Variants in DOHH observed in about 807,000 individuals in gnomAD.
DOHH encodes the protein HEAT-like (PBS lyase) repeat containing 1.
A neutral mutation model predicts 19.9 loss-of-function variants in DOHH; 16 were observed. The ratio of observed to expected loss-of-function variants is 0.80; its 90% CI spans 0.54 to 1.22. The LOEUF is 1.22. DOHH is among the 50% of genes most tolerant of loss of function. The pLI is 0.00. For synonymous variants in DOHH, 233 were observed against 217.0 expected (o/e 1.07, Z -0.65); for missense variants, 460 against 460.6 (o/e 1.00, Z 0.01).
intron 1 of DOHH, among the ~76,000 whole-genome samples, chr19:3,497,499 G>C (rs1196703675): frequency 6.6e-6 from 1 of 152,216 alleles, no homozygotes; most frequent in Non-Finnish European, 1.5e-5. Flanking sequence ...CGAACCTTCA[G>C]ATGATGCAGC....
rs763545312 is a variant in DOHH, at chr19:3,496,743, G to C, written c.72C>G (p.Arg24=). Residue 24 remains arginine, a synonymous_variant, in exon 2 of 5, where the codon CGC becomes CGG. Transcript: ENST00000427575. The surrounding 1 kb of genome is among the most constrained non-coding windows in gnomAD (Gnocchi z 4.8). ...LVDPKQPLQA[R]FRALFTLRGL... ...CACGCAGCGTGAACAGCGCCCGGAA[G>C]CGGGCCTGCAGGGGCTGCTTGGGGT... 6.2e-7 allele frequency: 1 copy of C among 1,611,790 alleles called. No homozygotes were observed. The highest frequency in any genetic ancestry group is 1.3e-5 in the African/African-American group (1 of 75,064).
chr19:3,491,588 C>T lies in DOHH; in HGVS notation c.813G>A (p.Glu271=), dbSNP rs1159404126. 1.3e-6 allele frequency: 2 copies of T among 1,535,998 alleles called. No homozygotes were observed. The highest frequency in any genetic ancestry group is 8.7e-7 in the Non-Finnish European group (1 of 1,146,664). ...ACATGTCCAGAGCCACCTCGCAGCTCTCACGCACCACGCGCTCTGGGTCGT... is the reference window on the plus strand; with the variant it reads ...ACATGTCCAGAGCCACCTCGCAGCTTTCACGCACCACGCGCTCTGGGTCGT... ...HADDPERVVR[E]SCEVALDMYE... Residue 271 remains glutamate, a synonymous_variant, in exon 5 of 5, where the codon GAG becomes GAA. Transcript: ENST00000427575. The surrounding 1 kb of genome is among the most constrained non-coding windows in gnomAD (Gnocchi z 5.6).
In DOHH at chr19:3,491,645, G is replaced by A. The variant is rs1426254360; in HGVS notation, c.756C>T (p.Pro252=). 1.3e-6 allele frequency: 2 copies of A among 1,535,082 alleles called. No homozygotes were observed. Among genetic ancestry groups the A allele is most frequent in the Non-Finnish European group, 8.7e-7 (1 of 1,145,132 alleles). ...GAGCCTGCAGCGCGGCCAGGCAGGCGGGCCGGGCAATGGCGCCCAGGGCCT... is the reference window on the plus strand; with the variant it reads ...GAGCCTGCAGCGCGGCCAGGCAGGCAGGCCGGGCAATGGCGCCCAGGGCCT... ...CAEALGAIAR[P]ACLAALQAHA... The change falls in exon 5 of 5, where the codon CCC becomes CCT. Residue 252 remains proline, a synonymous_variant. Coordinates refer to ENST00000427575, the MANE Select transcript of DOHH (RefSeq NM_001145165.2). The surrounding 1 kb of genome is among the most constrained non-coding windows in gnomAD (Gnocchi z 5.6).
At chr19:3,495,285 C>CA (rs2082900176) in intron 2 of DOHH, among the ~76,000 whole-genome samples, 1 of 151,996 alleles carries the variant, frequency 6.6e-6, no homozygotes, top group South Asian at 2.1e-4. Flanking sequence ...CCTGAACAGT[C>CA]CATTTTTTTG....
At position 3,491,089 on chromosome 19, in the gene DOHH, T is replaced by C. The variant is rs140317642; in HGVS notation, c.*403A>G. 14,372 of 190,688 alleles carry C rather than the reference T, an allele frequency of 0.075. 1,710 individuals carry two copies. Among genetic ancestry groups the C allele is most frequent in the African/African-American group, 0.26 (6,929 of 26,512 alleles). The allele number at this position is 190,688 out of a possible 1,614,324, so 11.8% of individuals were successfully genotyped here. On this transcript the variant is annotated 3_prime_UTR_variant, in exon 5 of 5. Coordinates refer to ENST00000427575, the MANE Select transcript of DOHH (RefSeq NM_001145165.2). The surrounding 1 kb of genome is among the most constrained non-coding windows in gnomAD (Gnocchi z 5.6). Reference sequence around the variant, plus strand: ...CCCTGGCTCCCCTCGCGATCCTCCCTTGGCTTCCCTCGCGATCCTCCCCTG... The same window carrying C: ...CCCTGGCTCCCCTCGCGATCCTCCCCTGGCTTCCCTCGCGATCCTCCCCTG...
chr19:3,497,937 G>A (rs1421700548), intron 1 of DOHH, among the ~76,000 whole-genome samples: 2 of 152,044 alleles, frequency 1.3e-5, no homozygotes, highest in South Asian at 2.1e-4. Context: ...AGCCATTATG[G>A]GGATTTTTGT....
Position 3,491,321 on chromosome 19 carries a change from A to G in DOHH, c.*171T>C, listed in dbSNP as rs993202311. The G allele has an allele frequency of 1.3e-4, 92 of 700,474 alleles. 1 individual carries two copies. The East Asian group carries it at 2.5e-3, about 19-fold the overall frequency. The allele number at this position is 700,474 out of a possible 1,614,324, so 43.4% of individuals were successfully genotyped here. ...GCAGTCAGGGGACTCAGGGAGTCAC[A>G]GCACAACGGCAGCTCCTCGGTCCCA... On this transcript the variant is annotated 3_prime_UTR_variant, in exon 5 of 5. Coordinates refer to ENST00000427575, the MANE Select transcript of DOHH (RefSeq NM_001145165.2). The surrounding 1 kb of genome is among the most constrained non-coding windows in gnomAD (Gnocchi z 5.6).
chr19:3,491,617 C>T lies in DOHH; in HGVS notation c.784G>A (p.Ala262Thr), dbSNP rs765401437. The change falls in exon 5 of 5, where the codon GCG becomes ACG. Residue 262 changes from alanine (A) to threonine (T), a missense_variant. By Grantham distance (58) the Ala-to-Thr change is moderately conservative. Coordinates refer to ENST00000427575, the MANE Select transcript of DOHH (RefSeq NM_001145165.2). This position sits in a 1 kb window ranked among gnomAD's most constrained non-coding sequence, Gnocchi z 5.6. ...PACLAALQAH[A>T]DDPERVVRES... ...CGCACCACGCGCTCTGGGTCGTCCG[C>T]GTGAGCCTGCAGCGCGGCCAGGCAG... 2.0e-6 allele frequency: 3 copies of T among 1,535,564 alleles called. No homozygotes were observed. Among genetic ancestry groups the T allele is most frequent in the South Asian group, 1.2e-5 (1 of 84,028 alleles).
At chr19:3,497,549 C>T (rs917829075) in intron 1 of DOHH, among the ~76,000 whole-genome samples, 6 of 152,226 alleles carry the variant, frequency 3.9e-5, no homozygotes, top group African/African-American at 1.2e-4. Context: ...GAGGCCAGAC[C>T]CAGAGCCAGC....
chr19:3,499,318 A>G (rs902327303), intron 1 of DOHH, among the ~76,000 whole-genome samples: 1 of 152,278 alleles, frequency 6.6e-6, no homozygotes, highest in Admixed American at 6.5e-5. Context: ...ACGGCGCCTA[A>G]GACTCCTAGA....
At chr19:3,500,104 T>C (rs932493133) in intron 1 of DOHH, among the ~76,000 whole-genome samples, 9 of 119,442 alleles carry the variant, frequency 7.5e-5, no homozygotes, top group Admixed American at 7.5e-4. Context: ...GGGACCCCTC[T>C]CTTTCCAGAT....
Position 3,496,143 on chromosome 19 carries a change from C to T in DOHH, c.274+398G>A, listed in dbSNP as rs1200117341. Among the ~76,000 whole-genome samples, 3 of 152,060 alleles carry T rather than the reference C, an allele frequency of 2.0e-5. No individual in the cohort carries two copies. Among genetic ancestry groups the T allele is most frequent in the Non-Finnish European group, 2.9e-5 (2 of 67,960 alleles). ...TCTCCCGCCTCAGCCTCCCAAGTGG[C>T]TGCGACTACAGGTGCATGCCACCAT... On this transcript the variant is annotated intron_variant, in intron 2 of 4. Coordinates refer to ENST00000427575, the MANE Select transcript of DOHH (RefSeq NM_001145165.2). This position sits in a 1 kb window ranked among gnomAD's most constrained non-coding sequence, Gnocchi z 4.8.
intron 2 of DOHH, among the ~76,000 whole-genome samples, chr19:3,494,928 C>T (rs2082897483): frequency 6.6e-6 from 1 of 152,114 alleles, no homozygotes; most frequent in South Asian, 2.1e-4. Flanking sequence ...GCACCAACTA[C>T]CTGCCTCACT....
At position 3,491,833 on chromosome 19, in the gene DOHH, G is replaced by A; in HGVS notation, c.590-22C>T. 2.8e-6 allele frequency: 4 copies of A among 1,435,916 alleles called. No individual in the cohort carries two copies. Among genetic ancestry groups the A allele is most frequent in the South Asian group, 3.0e-5 (2 of 67,352 alleles). 88.9% of individuals were successfully genotyped at this position (1,435,916 alleles called of 1,614,324 possible). ...AGACCTGCAGGGGAGAGGGACACTC[G>A]CTGGGGCCAGGAGGGGTGGGAAGGG... On this transcript the variant is annotated intron_variant, in intron 4 of 4. Coordinates refer to ENST00000427575, the MANE Select transcript of DOHH (RefSeq NM_001145165.2). The surrounding 1 kb of genome is among the most constrained non-coding windows in gnomAD (Gnocchi z 5.6).
At chr19:3,497,874 T>C (rs2082921837) in intron 1 of DOHH, among the ~76,000 whole-genome samples, 1 of 151,980 alleles carries the variant, frequency 6.6e-6, no homozygotes, top group Non-Finnish European at 1.5e-5. Context: ...CAAGTGATCA[T>C]CCTGCCTCAG....
Position 3,492,141 on chromosome 19 carries a change from C to T in DOHH, c.589+121G>A, listed in dbSNP as rs750152473. On this transcript the variant is annotated intron_variant, in intron 4 of 4. Coordinates refer to ENST00000427575, the MANE Select transcript of DOHH (RefSeq NM_001145165.2). The stretch of plus-strand genomic sequence containing the variant: ...TTCTTAAGAGGCCCCATGGGAAATG[C>T]TTGGGGCCAGGCCCGGGATGCCGTT... 21 of 982,810 alleles carry T rather than the reference C, an allele frequency of 2.1e-5. No individual in the cohort carries two copies. The South Asian group carries it at 3.9e-4, about 18-fold the overall frequency. The allele number at this position is 982,810 out of a possible 1,614,324, so 60.9% of individuals were successfully genotyped here. A position where few individuals can be genotyped will look rare whatever the true frequency, so the allele number is the denominator to read the frequency against.
At chr19:3,500,339 G>C (rs2082941040) in intron 1 of DOHH, among the ~76,000 whole-genome samples, 1 of 152,196 alleles carries the variant, frequency 6.6e-6, no homozygotes, top group African/African-American at 2.4e-5. Context: ...GGGGACCATT[G>C]AGACCCAACC....
At chr19:3,498,251 G>A (rs866249065) in intron 1 of DOHH, among the ~76,000 whole-genome samples, 1 of 152,128 alleles carries the variant, frequency 6.6e-6, no homozygotes, top group East Asian at 1.9e-4. Context: ...ACTAACACAG[G>A]CCTCCATAAC....
In DOHH at chr19:3,491,170, G is replaced by T. The variant is rs1229008950; in HGVS notation, c.*322C>A. The T allele has an allele frequency of 2.4e-6, 1 of 424,462 alleles. No individual in the cohort carries two copies. Among genetic ancestry groups the T allele is most frequent in the Non-Finnish European group, 4.2e-6 (1 of 239,210 alleles). 26.3% of individuals were successfully genotyped at this position (424,462 alleles called of 1,614,324 possible). A position where few individuals can be genotyped will look rare whatever the true frequency, so the allele number is the denominator to read the frequency against. On this transcript the variant is annotated 3_prime_UTR_variant, in exon 5 of 5. Coordinates refer to ENST00000427575, the MANE Select transcript of DOHH (RefSeq NM_001145165.2). This position sits in a 1 kb window ranked among gnomAD's most constrained non-coding sequence, Gnocchi z 5.6. ...TCGCGATCCTCCCCTGGCTTCCCTC[G>T]CGATCCTCCCCTGGCTTCCCTCGCA...
Sources: allele counts gnomAD v4.1 joint callset (sites outside exome capture counted in the v4.1 genomes callset), GRCh38; gene constraint gnomAD v4.1.1; non-coding constraint Gnocchi (gnomAD v3.1); transcripts MANE v1.5; gene names NCBI Gene and HGNC (gene_info 2026-07-23, HGNC 2026-07-21).